Variants in AGMO observed in about 807,000 individuals in gnomAD.
AGMO encodes alkylglycerol monooxygenase, also known as glyceryl-ether monooxygenase.
AGMO carries 75 observed loss-of-function variants against 60.2 expected under a neutral mutation model. The observed-to-expected ratio is 1.25, with a 90% confidence interval of 1.03 to 1.51. AGMO has a LOEUF of 1.51. Ranked by LOEUF, AGMO falls within the 40% of genes most tolerant of loss-of-function variation. The probability of loss-of-function intolerance (pLI) is 0.00; values close to 1 mark genes in which losing one functional copy is unlikely to be tolerated. For synonymous variants in AGMO, 261 were observed against 177.1 expected (o/e 1.47, Z -3.76); for missense variants, 763 against 525.5 (o/e 1.45, Z -4.42).
At chr7:15,410,107 T>C (rs1265740858) in intron 5 of AGMO, among the ~76,000 whole-genome samples, 2 of 151,770 alleles carry the variant, frequency 1.3e-5, no homozygotes, top group Non-Finnish European at 3.0e-5. Flanking sequence ...CTGAGACCAC[T>C]GTAACTGTGC....
chr7:15,546,368 G>A lies in AGMO; in HGVS notation c.258-1445C>T, dbSNP rs552614457. 2.8e-4 allele frequency among the ~76,000 whole-genome samples: 42 copies of A among 152,240 alleles called. 1 individual carries two copies. Among genetic ancestry groups the A allele is most frequent in the South Asian group, 6.2e-4 (3 of 4,822 alleles). Reference sequence around the variant, plus strand: ...ATGGTTGGAAGAAGCAGTTTTGTCCGTGAGTTCAAGTCCTTGACCCAAAGG... The same window carrying A: ...ATGGTTGGAAGAAGCAGTTTTGTCCATGAGTTCAAGTCCTTGACCCAAAGG... On this transcript the variant is annotated intron_variant, in intron 2 of 12. Transcript: ENST00000342526.
chr7:15,392,947 C>G (rs572117919), intron 6 of AGMO, among the ~76,000 whole-genome samples: 382 of 152,368 alleles, frequency 2.5e-3, no homozygotes, highest in African/African-American at 8.3e-3. Flanking sequence ...AATACAAAGC[C>G]TGTTTCCTAA....
chr7:15,143,032 A>G, the AGMO span, among the ~76,000 whole-genome samples: 8 of 152,228 alleles, frequency 5.3e-5, no homozygotes, highest in South Asian at 1.7e-3. Flanking sequence ...AACCCCAACA[A>G]TCTGATGATA....
chr7:15,306,468 T>A lies in AGMO; in HGVS notation c.1263+59046A>T, dbSNP rs571411559. 35 of 467,186 alleles carry A rather than the reference T, an allele frequency of 7.5e-5. No individual in the cohort carries two copies. The East Asian group carries it at 2.4e-3, about 33-fold the overall frequency. 28.9% of individuals were successfully genotyped at this position (467,186 alleles called of 1,614,324 possible). ...CATATTCTTCTGCAATCAATGCACTTTGGGGTGGTTTCCAGCTGTGAGACA... is the reference window on the plus strand; with the variant it reads ...CATATTCTTCTGCAATCAATGCACTATGGGGTGGTTTCCAGCTGTGAGACA... On this transcript the variant is annotated intron_variant, in intron 12 of 12. Coordinates refer to ENST00000342526, the MANE Select transcript of AGMO (RefSeq NM_001004320.2).
intron 12 of AGMO, among the ~76,000 whole-genome samples, chr7:15,301,726 A>C (rs959165465): frequency 6.6e-6 from 1 of 152,186 alleles, no homozygotes; most frequent in Non-Finnish European, 1.5e-5. Context: ...AAAAATGACT[A>C]TAATAATATT....
chr7:15,326,897 A>C (rs1171259420), intron 12 of AGMO, among the ~76,000 whole-genome samples: 2 of 152,226 alleles, frequency 1.3e-5, no homozygotes, highest in Non-Finnish European at 2.9e-5. Context: ...AAAGATTACC[A>C]AACTAGAGAT....
At chr7:15,466,992 A>G (rs1431506653) in intron 3 of AGMO, among the ~76,000 whole-genome samples, 3 of 152,172 alleles carry the variant, frequency 2.0e-5, no homozygotes, top group East Asian at 1.9e-4. Flanking sequence ...TTAGAAAAAT[A>G]AAACAGTATT....
intron 8 of AGMO, among the ~76,000 whole-genome samples, chr7:15,390,068 T>C (rs1032008421): frequency 4.6e-5 from 7 of 152,138 alleles, no homozygotes; most frequent in Non-Finnish European, 8.8e-5. Context: ...CCAGGAGTAT[T>C]TGTGGTGGTC....
chr7:15,177,693 T>C, the AGMO span, among the ~76,000 whole-genome samples: 20 of 152,202 alleles, frequency 1.3e-4, no homozygotes, highest in Middle Eastern at 6.8e-3. Flanking sequence ...AGATATTTGA[T>C]CTTCCATAAT....
the AGMO span, among the ~76,000 whole-genome samples, chr7:15,162,766 A>T: frequency 6.6e-6 from 1 of 152,134 alleles, no homozygotes; most frequent in South Asian, 2.1e-4. Flanking sequence ...ACAAATGTCA[A>T]CATAGAAGAG....
intron 3 of AGMO, among the ~76,000 whole-genome samples, chr7:15,461,416 A>C (rs1053480780): frequency 2.0e-5 from 3 of 152,032 alleles, no homozygotes; most frequent in African/African-American, 7.2e-5. Context: ...CATTGTTAGC[A>C]CCTCTGGATA....
chr7:15,230,181 G>C (rs1363064498), intron 12 of AGMO, among the ~76,000 whole-genome samples: 1 of 152,092 alleles, frequency 6.6e-6, no homozygotes, highest in Non-Finnish European at 1.5e-5. Context: ...AGTAATACCA[G>C]CAGCAGCATA....
At chr7:15,220,610 G>C (rs1781890592) in intron 12 of AGMO, among the ~76,000 whole-genome samples, 1 of 151,796 alleles carries the variant, frequency 6.6e-6, no homozygotes, top group African/African-American at 2.4e-5. Flanking sequence ...TAAGGACACA[G>C]TGATAATAAT....
At chr7:15,290,067 G>A (rs556087571) in intron 12 of AGMO, among the ~76,000 whole-genome samples, 11 of 132,032 alleles carry the variant, frequency 8.3e-5, no homozygotes, top group Admixed American at 1.8e-4. Context: ...GTTTCACCCC[G>A]TTGCCAGGCT....
At chr7:15,388,506 C>G (rs1308775456) in intron 8 of AGMO, among the ~76,000 whole-genome samples, 3 of 152,142 alleles carry the variant, frequency 2.0e-5, no homozygotes, top group African/African-American at 7.2e-5. Flanking sequence ...ATTTTGGAAA[C>G]TGAGTACAGT....
At chr7:15,159,781 A>G in the AGMO span, among the ~76,000 whole-genome samples, 1 of 152,192 alleles carries the variant, frequency 6.6e-6, no homozygotes, top group Non-Finnish European at 1.5e-5. Flanking sequence ...CATACTATAA[A>G]TAAGATTTTC....
chr7:15,135,912 G>C, the AGMO span, among the ~76,000 whole-genome samples: 1 of 128,866 alleles, frequency 7.8e-6, no homozygotes, highest in Non-Finnish European at 1.7e-5. Context: ...TTTAAATTTT[G>C]TATTTTTTAG....
chr7:15,195,534 C>A (rs370385285), downstream of AGMO, among the ~76,000 whole-genome samples: 1 of 152,186 alleles, frequency 6.6e-6, no homozygotes, highest in Non-Finnish European at 1.5e-5. Flanking sequence ...TTGTACTTGG[C>A]TGGCGCCATG....
rs1782922727 is a variant in AGMO, at chr7:15,251,175, G to C, written c.1264-49816C>G. On this transcript the variant is annotated intron_variant, in intron 12 of 12. Coordinates refer to ENST00000342526, the MANE Select transcript of AGMO (RefSeq NM_001004320.2). ...GGACAGCCTTTCACTGGTCCCATTA[G>C]CTATACCTTTACTTCATGGCCCTGT... 2.0e-5 allele frequency among the ~76,000 whole-genome samples: 3 copies of C among 152,056 alleles called. No individual in the cohort carries two copies. In the South Asian group the frequency reaches 6.2e-4, roughly 31 times the overall value.
Sources: allele counts gnomAD v4.1 joint callset (sites outside exome capture counted in the v4.1 genomes callset), GRCh38; gene constraint gnomAD v4.1.1; transcripts MANE v1.5; gene names NCBI Gene and HGNC (gene_info 2026-07-23, HGNC 2026-07-21).